Variants in PLAAT1 observed in about 807,000 individuals in gnomAD.
PLAAT1 encodes phospholipase A and acyltransferase 1, also known as H-REV107 protein-related protein.
In PLAAT1, 13 loss-of-function variants were observed where a neutral mutation model predicts 16.4. The observed-to-expected ratio is 0.79, with a 90% CI of 0.52 to 1.26. The LOEUF is 1.26. PLAAT1 is among the 50% of genes most tolerant of loss of function. The pLI is 0.00. For synonymous variants in PLAAT1, 73 were observed against 78.4 expected (o/e 0.93, Z 0.36); for missense variants, 218 against 207.8 (o/e 1.05, Z -0.30).
At chr3:193,274,959 G>A (rs906960699), downstream of PLAAT1, 1 of 1,521,812 alleles carries the variant, frequency 6.6e-7, no homozygotes, top group Non-Finnish European at 9.0e-7. Context: ...GAAAGGTAAG[G>A]GGAGAGTATC....
intron 1 of PLAAT1, among the ~76,000 whole-genome samples, chr3:193,251,729 A>G (rs371380375): frequency 6.6e-6 from 1 of 152,132 alleles, no homozygotes; most frequent in South Asian, 2.1e-4. Flanking sequence ...AAATGAGTGT[A>G]TCTCCACTTT....
chr3:193,274,868 G>T, downstream of PLAAT1: 1 of 820,352 alleles, frequency 1.2e-6, no homozygotes. Context: ...AAAGCATACA[G>T]TCAGAATAAG....
At chr3:193,247,772 G>GA in intron 1 of PLAAT1, among the ~76,000 whole-genome samples, 1 of 152,098 alleles carries the variant, frequency 6.6e-6, no homozygotes, top group Admixed American at 6.6e-5. Flanking sequence ...CTAGGTTTGT[G>GA]CCATTGTGGT....
At position 193,264,799 on chromosome 3, in the gene PLAAT1, C is replaced by T. The variant is rs549655256; in HGVS notation, c.405+1564C>T. 1.4e-3 allele frequency among the ~76,000 whole-genome samples: 207 copies of T among 152,346 alleles called. 1 individual carries two copies. Among genetic ancestry groups the T allele is most frequent in the South Asian group, 2.9e-3 (14 of 4,830 alleles). ...CAGCGCTGGGATTACAGGCGTGAGC[C>T]ACCGTGCCCAGCCTATTTGCCCGTT... On this transcript the variant is annotated intron_variant, in intron 3 of 3. Coordinates refer to ENST00000264735, the MANE Select transcript of PLAAT1 (RefSeq NM_020386.5).
intron 2 of PLAAT1, among the ~76,000 whole-genome samples, chr3:193,260,199 A>T (rs1052090949): frequency 1.3e-5 from 2 of 152,182 alleles, no homozygotes; most frequent in Non-Finnish European, 2.9e-5. Context: ...TATGTACAAA[A>T]ATTTACTCAA....
downstream of PLAAT1, among the ~76,000 whole-genome samples, chr3:193,279,958 T>C (rs9291051): frequency 0.89 from 118,921 of 133,336 alleles, 53,184 homozygotes; most frequent in East Asian, 0.98. Context: ...CAACACTCTC[T>C]AGCTTCTGTG....
chr3:193,270,868 T>C, downstream of PLAAT1: 1 of 1,305,604 alleles, frequency 7.7e-7, no homozygotes, highest in Non-Finnish European at 9.8e-7. Flanking sequence ...ATTGAGCCAA[T>C]GAAATTTTTT....
chr3:193,241,568 G>T, intron 1 of PLAAT1, 35 bp downstream of exon 1: 1 of 1,226,544 alleles, frequency 8.2e-7, no homozygotes, highest in Non-Finnish European at 1.0e-6. Context: ...ACCTCGAGGC[G>T]CCCCGGCAAC....
downstream of PLAAT1, among the ~76,000 whole-genome samples, chr3:193,278,854 A>G (rs778839369): frequency 6.6e-6 from 1 of 152,130 alleles, no homozygotes; most frequent in Non-Finnish European, 1.5e-5. Context: ...TTCTCTCACA[A>G]TACGGGGTCC....
intron 2 of PLAAT1, among the ~76,000 whole-genome samples, chr3:193,258,009 T>G (rs990217710): frequency 1.3e-5 from 2 of 152,184 alleles, no homozygotes; most frequent in East Asian, 3.8e-4. Flanking sequence ...TTTGAGATTT[T>G]GGGACTCGGA....
At chr3:193,279,237 A>G, downstream of PLAAT1, 1 of 681,200 alleles carries the variant, frequency 1.5e-6, no homozygotes, top group South Asian at 2.0e-5. Context: ...TTGCCCTTCT[A>G]GTATATAGAA....
intron 1 of PLAAT1, among the ~76,000 whole-genome samples, chr3:193,243,969 G>A (rs1715877081): frequency 1.3e-5 from 2 of 152,226 alleles, no homozygotes; most frequent in Non-Finnish European, 2.9e-5. Context: ...GATATAGTGT[G>A]TGACCCTTTG....
intron 2 of PLAAT1, 41 bp from the exon 3 acceptor site, chr3:193,262,929 C>T: frequency 6.3e-7 from 1 of 1,599,774 alleles, no homozygotes. Flanking sequence ...GTTCATTGGA[C>T]TGGGTCACTA....
downstream of PLAAT1, among the ~76,000 whole-genome samples, chr3:193,272,799 T>G (rs1717026913): frequency 8.1e-6 from 1 of 124,148 alleles, no homozygotes; most frequent in African/African-American, 3.3e-5. Context: ...GGTGTGGTAG[T>G]TTTCACCCTT....
chr3:193,255,871 C>A, intron 2 of PLAAT1, 82 bp downstream of exon 2: 2 of 1,218,806 alleles, frequency 1.6e-6, no homozygotes, highest in South Asian at 2.4e-5. Context: ...AAATAATAAA[C>A]AAAACAAAAT....
At chr3:193,270,484 G>C (rs1335636768) in intron 3 of PLAAT1, 120 bp from the exon 4 acceptor site, 1 of 691,164 alleles carries the variant, frequency 1.4e-6, no homozygotes. Context: ...TTGTACTTTA[G>C]ATGTATCCAT....
At chr3:193,279,822 C>T (rs1454358597), downstream of PLAAT1, among the ~76,000 whole-genome samples, 1 of 151,826 alleles carries the variant, frequency 6.6e-6, no homozygotes, top group African/African-American at 2.4e-5. Flanking sequence ...TTCAGGGATC[C>T]TCTATTGACA....
chr3:193,259,705 A>G (rs1179540119), intron 2 of PLAAT1, among the ~76,000 whole-genome samples: 1 of 152,226 alleles, frequency 6.6e-6, no homozygotes, highest in Non-Finnish European at 1.5e-5. Flanking sequence ...ACTATAAAAC[A>G]CTGCTAAAAG....
At chr3:193,281,145 G>A, downstream of PLAAT1, 3 of 982,062 alleles carry the variant, frequency 3.1e-6, no homozygotes, top group South Asian at 9.4e-5. Flanking sequence ...ATGGCTTGGT[G>A]ATACGATTTC....
Sources: allele counts gnomAD v4.1 joint callset (sites outside exome capture counted in the v4.1 genomes callset), GRCh38; gene constraint gnomAD v4.1.1; transcripts MANE v1.5; gene names NCBI Gene and HGNC (gene_info 2026-07-23, HGNC 2026-07-21).